The following NKAIN2 variants were observed in gnomAD, a reference collection of about 807,000 sequenced individuals.
NKAIN2 encodes sodium/potassium transporting ATPase interacting 2.
A neutral mutation model predicts 32.6 loss-of-function variants in NKAIN2; 14 were observed. The ratio of observed to expected loss-of-function variants is 0.43; its 90% CI spans 0.28 to 0.67. The LOEUF is 0.67. NKAIN2 is among the 30% of genes least tolerant of loss of function. The pLI is 0.17. For synonymous variants in NKAIN2, 80 were observed against 87.2 expected (o/e 0.92, Z 0.46); for missense variants, 198 against 258.3 (o/e 0.77, Z 1.60).
intron 3 of NKAIN2, among the ~76,000 whole-genome samples, chr6:124,429,985 GCAATAAAAAAGT>G (rs1775145649): frequency 1.3e-5 from 2 of 148,754 alleles, no homozygotes; most frequent in African/African-American, 4.8e-5. Flanking sequence ...ATGAAATGAG[GCAATAAAAAAGT>G]CAAGGGGAAA....
intron 1 of NKAIN2, among the ~76,000 whole-genome samples, chr6:123,917,241 T>C (rs1162522314): frequency 7.2e-6 from 1 of 138,916 alleles, no homozygotes; most frequent in Non-Finnish European, 1.5e-5. Flanking sequence ...ATTTTATCTG[T>C]TTTTTTTTTT....
chr6:124,401,036 C>A (rs1275956086), intron 3 of NKAIN2, among the ~76,000 whole-genome samples: 2 of 152,120 alleles, frequency 1.3e-5, no homozygotes, highest in Non-Finnish European at 2.9e-5. Context: ...TTGTTTGACA[C>A]AATGCATTGG....
At chr6:124,764,816 G>T (rs1778438787) in intron 4 of NKAIN2, among the ~76,000 whole-genome samples, 1 of 152,066 alleles carries the variant, frequency 6.6e-6, no homozygotes, top group South Asian at 2.1e-4. Flanking sequence ...AGGAAATCAG[G>T]TTGAGAGGAG....
chr6:123,812,525 T>C (rs2114866518), intron 1 of NKAIN2, among the ~76,000 whole-genome samples: 1 of 152,308 alleles, frequency 6.6e-6, no homozygotes, highest in Non-Finnish European at 1.5e-5. Context: ...TAACTGAAGC[T>C]CAGTCAAGTC....
At chr6:123,970,361 A>G (rs549532020) in intron 1 of NKAIN2, among the ~76,000 whole-genome samples, 1 of 152,276 alleles carries the variant, frequency 6.6e-6, no homozygotes, top group East Asian at 1.9e-4. Flanking sequence ...CTATCACTGA[A>G]AATAAATTTA....
intron 4 of NKAIN2, among the ~76,000 whole-genome samples, chr6:124,671,537 T>C (rs1200772053): frequency 1.3e-5 from 2 of 152,104 alleles, no homozygotes; most frequent in African/African-American, 4.8e-5. Flanking sequence ...CTGTCCTTCC[T>C]TAGGATCTGT....
chr6:124,812,110 G>A (rs775983850), intron 5 of NKAIN2, among the ~76,000 whole-genome samples: 1 of 152,150 alleles, frequency 6.6e-6, no homozygotes, highest in Non-Finnish European at 1.5e-5. Flanking sequence ...TGATGCAAAT[G>A]CATGTCCTAA....
At chr6:123,881,728 A>G (rs1423398970) in intron 1 of NKAIN2, among the ~76,000 whole-genome samples, 1 of 152,294 alleles carries the variant, frequency 6.6e-6, no homozygotes, top group Admixed American at 6.5e-5. Context: ...TCATATTAGG[A>G]TAGCTCTCTG....
At chr6:124,385,802 T>C (rs944182391) in intron 3 of NKAIN2, among the ~76,000 whole-genome samples, 3 of 152,290 alleles carry the variant, frequency 2.0e-5, no homozygotes. Context: ...TACATATTTA[T>C]GGAGTTCTTG....
At chr6:124,197,670 C>T (rs556345653) in intron 1 of NKAIN2, among the ~76,000 whole-genome samples, 2 of 151,986 alleles carry the variant, frequency 1.3e-5, no homozygotes, top group Non-Finnish European at 2.9e-5. Context: ...ACAATGAATA[C>T]AGGAATATAA....
chr6:124,314,257 C>T (rs1251185859), intron 2 of NKAIN2, among the ~76,000 whole-genome samples: 2 of 152,090 alleles, frequency 1.3e-5, no homozygotes, highest in African/African-American at 4.8e-5. Flanking sequence ...GAGAGATTTA[C>T]CTTACCTTTT....
At chr6:124,142,669 C>T (rs147755348) in intron 1 of NKAIN2, among the ~76,000 whole-genome samples, 70 of 152,174 alleles carry the variant, frequency 4.6e-4, no homozygotes, top group Non-Finnish European at 9.0e-4. Context: ...TTAGATTTTA[C>T]GGTCCATATT....
intron 1 of NKAIN2, among the ~76,000 whole-genome samples, chr6:123,994,027 A>AT (rs1234717840): frequency 1.3e-5 from 2 of 152,110 alleles, no homozygotes; most frequent in African/African-American, 4.8e-5. Context: ...CAGATTGACC[A>AT]CAGCCATCAC....
At chr6:124,778,679 G>C (rs938451275) in intron 4 of NKAIN2, among the ~76,000 whole-genome samples, 1 of 151,998 alleles carries the variant, frequency 6.6e-6, no homozygotes, top group African/African-American at 2.4e-5. Flanking sequence ...AATTTGAGTA[G>C]TAAGAGAAGC....
At position 124,119,745 on chromosome 6, in the gene NKAIN2, C is replaced by G. The variant is rs567828808; in HGVS notation, c.55-163260C>G. Among the ~76,000 whole-genome samples, 51 of 152,250 alleles carry G rather than the reference C, an allele frequency of 3.3e-4. 2 individuals are homozygous for G. In the South Asian group the frequency reaches 9.7e-3, roughly 29 times the overall value. On this transcript the variant is annotated intron_variant, in intron 1 of 6. Coordinates refer to ENST00000368417, the MANE Select transcript of NKAIN2 (RefSeq NM_001040214.3). ...GCCTGCTGCATTGAATTAAAACAGT[C>G]CATGTGAGCAAGGCATGTGGCCTCC...
chr6:124,656,187 C>T (rs966436174), intron 3 of NKAIN2, among the ~76,000 whole-genome samples: 7 of 152,324 alleles, frequency 4.6e-5, no homozygotes, highest in Admixed American at 4.6e-4. Context: ...CCTGATTCTT[C>T]TGCTACCATT....
At chr6:123,868,009 C>G (rs943471149) in intron 1 of NKAIN2, among the ~76,000 whole-genome samples, 1 of 152,054 alleles carries the variant, frequency 6.6e-6, no homozygotes, top group Non-Finnish European at 1.5e-5. Context: ...GCTGGGACTA[C>G]AGGCGCACAC....
chr6:123,867,581 G>A (rs1582679692), intron 1 of NKAIN2, among the ~76,000 whole-genome samples: 3 of 152,066 alleles, frequency 2.0e-5, no homozygotes, highest in African/African-American at 7.2e-5. Context: ...AAATAAATAG[G>A]GACTCAAAAA....
intron 5 of NKAIN2, among the ~76,000 whole-genome samples, chr6:124,814,913 CAAT>C (rs1269247242): frequency 3.3e-5 from 5 of 152,096 alleles, no homozygotes; most frequent in Non-Finnish European, 5.9e-5. Context: ...AAAACAAACT[CAAT>C]AATAATAACA....
Sources: allele counts gnomAD v4.1 joint callset (sites outside exome capture counted in the v4.1 genomes callset), GRCh38; gene constraint gnomAD v4.1.1; transcripts MANE v1.5; gene names NCBI Gene and HGNC (gene_info 2026-07-23, HGNC 2026-07-21).